The following AHCTF1 variants were observed in gnomAD, a reference collection of about 807,000 sequenced individuals.
The protein encoded by AHCTF1 is AT-hook containing transcription factor 1, also known as protein ELYS.
A neutral mutation model predicts 248.4 loss-of-function variants in AHCTF1; 24 were observed. The ratio of observed to expected loss-of-function variants is 0.10; its 90% CI spans 0.07 to 0.14. The LOEUF is 0.14. Ranked by LOEUF, AHCTF1 falls within the 10% of genes least tolerant of loss-of-function variation. The pLI, the probability that AHCTF1 is intolerant of heterozygous loss-of-function variation, is 1.00. For missense variants in AHCTF1, 2,206 were observed against 2,636.2 expected (o/e 0.84, Z 3.57); for synonymous variants, 786 against 929.8 (o/e 0.85, Z 2.81).
chr1:246,895,936 C>G lies in AHCTF1; in HGVS notation c.1624-11G>C. The G allele has an allele frequency of 6.2e-7, 1 of 1,602,348 alleles. No homozygotes were observed. The highest frequency in any genetic ancestry group is 1.1e-5 in the South Asian group (1 of 88,936). On this transcript the variant is annotated splice_polypyrimidine_tract_variant and intron_variant, in intron 12 of 35. Coordinates refer to ENST00000648844, the MANE Select transcript of AHCTF1 (RefSeq NM_001323342.2). Reference sequence around the variant, plus strand: ...TTCTAACTGTTCTTCCTAAACCATGCATTACAGAAAGGAAAGAAATGGAAA... The same window carrying G: ...TTCTAACTGTTCTTCCTAAACCATGGATTACAGAAAGGAAAGAAATGGAAA...
At chr1:246,930,982 C>T (rs1286992817) in intron 1 of AHCTF1, 10 of 1,198,340 alleles carry the variant, frequency 8.3e-6, no homozygotes, top group Non-Finnish European at 5.6e-6. Flanking sequence ...GCAAAAGAAA[C>T]CGTCCTGTTT....
At chr1:246,921,859 G>A (rs945686084) in intron 1 of AHCTF1, among the ~76,000 whole-genome samples, 2 of 152,190 alleles carry the variant, frequency 1.3e-5, no homozygotes, top group Non-Finnish European at 2.9e-5. Flanking sequence ...GCTTCAGGTA[G>A]AATAGAGATC....
At chr1:246,931,122 T>A (rs1558292238) in intron 1 of AHCTF1, 2 of 1,549,216 alleles carry the variant, frequency 1.3e-6, no homozygotes, top group Non-Finnish European at 1.7e-6. Context: ...CCGCCAGGAC[T>A]ACTCACTGTG....
chr1:246,887,189 T>C (rs1663876805), intron 20 of AHCTF1, 22 bp downstream of exon 20: 4 of 1,578,608 alleles, frequency 2.5e-6, no homozygotes, highest in South Asian at 2.4e-5. Context: ...TGAAAGTTTA[T>C]GCTGTAAGTG....
intron 33 of AHCTF1, among the ~76,000 whole-genome samples, chr1:246,848,288 AC>A (rs1321908491): frequency 1.3e-5 from 2 of 151,992 alleles, no homozygotes. Flanking sequence ...ATCTTGGATC[AC>A]TGCAAGCTCT....
chr1:246,880,994 C>G (rs141246553), intron 21 of AHCTF1, among the ~76,000 whole-genome samples: 1 of 152,174 alleles, frequency 6.6e-6, no homozygotes, highest in East Asian at 1.9e-4. Context: ...GACTGAAAAC[C>G]CATCCTGTGG....
rs750770271 is a variant in AHCTF1, at chr1:246,916,285, G to A, written c.232C>T (p.Pro78Ser). 6.2e-7 allele frequency: 1 copy of A among 1,609,200 alleles called. No individual in the cohort carries two copies. Among genetic ancestry groups the A allele is most frequent in the African/African-American group, 1.3e-5 (1 of 74,662 alleles). ...YRFSGVNEQP[P>S]VVLAVKEFSW... ...AATTCTTTCACAGCTAAAACTACAG[G>A]AGGCTGTTCATTGACTCCACTGAAT... is the stretch of plus-strand genomic sequence containing the variant. The change falls in exon 3 of 36, where the codon CCT (proline) becomes TCT (serine). Residue 78 changes from proline to serine, a missense_variant. Pro to Ser is a moderately conservative substitution (Grantham distance 74). Around this residue, in one of 6 missense-constraint regions of AHCTF1, gnomAD observed 34 missense variants for 97.2 expected, o/e 0.35. Coordinates refer to ENST00000648844, the MANE Select transcript of AHCTF1 (RefSeq NM_001323342.2).
rs10924871 is a variant in AHCTF1 at position 246,931,612 on chromosome 1, G to C, written c.-42C>G. On this transcript the variant is annotated 5_prime_UTR_variant, in exon 1 of 36. Coordinates refer to ENST00000648844, the MANE Select transcript of AHCTF1 (RefSeq NM_001323342.2). ...GCGGGTGAGCGCGCCGCCGCGGGCC[G>C]AGTCCACCGGGTCGCCAGGCCAGGC... The C allele has an allele frequency of 1.2e-5, 2 of 160,280 alleles. No homozygotes were observed. The highest frequency in any genetic ancestry group is 2.6e-5 in the Non-Finnish European group (2 of 75,590). The allele number at this position is 160,280 out of a possible 1,614,324, so 9.9% of individuals were successfully genotyped here. A position where few individuals can be genotyped will look rare whatever the true frequency, so the allele number is the denominator to read the frequency against.
In AHCTF1 at chr1:246,867,818, A is replaced by C. The variant is rs575734575; in HGVS notation, c.3089-7T>G. ...AATGGTTTGGGTCTAGAAACTGTAA[A>C]ATGAAGAACGCTGGAATTAAGTGCA... On this transcript the variant is annotated splice_polypyrimidine_tract_variant and splice_region_variant and intron_variant, in intron 24 of 35. Transcript: ENST00000648844. The C allele has an allele frequency of 6.2e-7, 1 of 1,605,256 alleles. No homozygotes were observed. The highest frequency in any genetic ancestry group is 8.5e-7 in the Non-Finnish European group (1 of 1,176,146).
intron 1 of AHCTF1, 144 bp from the exon 2 acceptor site, chr1:246,918,521 T>C (rs1353794159): frequency 3.6e-6 from 3 of 828,066 alleles, no homozygotes; most frequent in East Asian, 6.2e-5. Flanking sequence ...ATTGGCCAGA[T>C]GCGGAGGCTC....
intron 24 of AHCTF1, among the ~76,000 whole-genome samples, chr1:246,872,658 T>C (rs1662679471): frequency 6.6e-6 from 1 of 152,164 alleles, no homozygotes; most frequent in Non-Finnish European, 1.5e-5. Context: ...AGCCAAACTA[T>C]GCCAGGAAAC....
chr1:246,928,340 G>GTCTTCTCCACTACA (rs1156812005), intron 1 of AHCTF1, among the ~76,000 whole-genome samples: 18 of 150,500 alleles, frequency 1.2e-4, no homozygotes, highest in African/African-American at 4.1e-4. Context: ...CTGCTTGCCT[G>GTCTTCTCCACTACA]TCTTCTCCAC....
chr1:246,889,090 T>TA (rs1234736269), intron 17 of AHCTF1, among the ~76,000 whole-genome samples: 1 of 152,170 alleles, frequency 6.6e-6, no homozygotes, highest in African/African-American at 2.4e-5. Context: ...TTCACCATAT[T>TA]AAGCAAACTA....
chr1:246,890,968 G>A lies in AHCTF1; in HGVS notation c.2038C>T (p.Pro680Ser). Residue 680 changes from proline to serine, a missense_variant, in exon 16 of 36, where the codon CCA becomes TCA. This residue lies in a region of AHCTF1 where 650 missense variants were observed against 870.8 expected (regional missense o/e 0.75). Coordinates refer to ENST00000648844, the MANE Select transcript of AHCTF1 (RefSeq NM_001323342.2). ...VLWFSHSGLL[P>S]EGIDDSVQLS... The stretch of plus-strand genomic sequence containing the variant: ...GTAAATATTTTACCTATGCCTTCTG[G>A]TAAAAGCCCAGAATGAGAGAACCAA... The A allele has an allele frequency of 6.5e-7, 1 of 1,531,806 alleles. No individual in the cohort carries two copies. The highest frequency in any genetic ancestry group is 1.3e-5 in the South Asian group (1 of 74,324). The allele number at this position is 1,531,806 out of a possible 1,614,324, so 94.9% of individuals were successfully genotyped here. A position where few individuals can be genotyped will look rare whatever the true frequency, so the allele number is the denominator to read the frequency against.
chr1:246,869,010 A>G (rs1175396565), intron 24 of AHCTF1, among the ~76,000 whole-genome samples: 2 of 151,166 alleles, frequency 1.3e-5, no homozygotes, highest in African/African-American at 4.9e-5. Context: ...ATGCCTGGCT[A>G]ACTTTTTCTA....
chr1:246,919,288 G>GA (rs1666354597), intron 1 of AHCTF1, among the ~76,000 whole-genome samples: 1 of 152,278 alleles, frequency 6.6e-6, no homozygotes, highest in East Asian at 1.9e-4. Flanking sequence ...AGGTGAGCAA[G>GA]AACAATACCC....
rs374800499 is a variant in AHCTF1 at position 246,888,480 on chromosome 1, G to C, written c.2182C>G (p.Leu728Val). The C allele has an allele frequency of 1.9e-6, 3 of 1,613,780 alleles. No individual in the cohort carries two copies. Among genetic ancestry groups the C allele is most frequent in the Non-Finnish European group, 2.5e-6 (3 of 1,179,990 alleles). Residue 728 changes from leucine (L) to valine (V), a missense_variant, in exon 18 of 36, where the codon CTG becomes GTG. Physicochemically the swap from Leu to Val is conservative, Grantham distance 32 (BLOSUM62 1). Around this residue, in one of 6 missense-constraint regions of AHCTF1, gnomAD observed 650 missense variants for 870.8 expected, o/e 0.75. Transcript: ENST00000648844. Reference sequence around the variant, plus strand: ...ATTCGCTCTCCTAACTGAGAAACCAGTCCATCAATCATCAAGCAATCGGGA... The same window carrying C: ...ATTCGCTCTCCTAACTGAGAAACCACTCCATCAATCATCAAGCAATCGGGA... ...WNPDCLMIDG[L>V]VSQLGERIEK...
intron 2 of AHCTF1, among the ~76,000 whole-genome samples, chr1:246,916,795 A>T (rs1462743575): frequency 4.6e-5 from 7 of 152,230 alleles, no homozygotes; most frequent in Non-Finnish European, 1.0e-4. Flanking sequence ...CAAAGTCAAA[A>T]AGTAGCACAG....
chr1:246,885,817 T>G (rs1663777207), intron 20 of AHCTF1, 137 bp from the exon 21 acceptor site: 1 of 801,994 alleles, frequency 1.2e-6, no homozygotes, highest in Non-Finnish European at 1.9e-6. Flanking sequence ...TACTTTAATC[T>G]GTGCTATATA....
Sources: gnomAD v4.1 joint callset for allele counts (sites outside exome capture counted in the v4.1 genomes callset) on GRCh38, gnomAD v4.1.1 for gene constraint, gnomAD v4.1.1 regional missense constraint, MANE v1.5 for transcripts, NCBI Gene and HGNC (gene_info 2026-07-23, HGNC 2026-07-21) for gene names.